Variants in CDIN1 observed in about 807,000 individuals in gnomAD.
CDIN1 encodes CDAN1 interacting nuclease 1, also known as CDAN1-interacting nuclease 1.
A neutral mutation model predicts 45.3 loss-of-function variants in CDIN1; 33 were observed. The observed-to-expected ratio is 0.73, with a 90% CI of 0.55 to 0.97. CDIN1 has a LOEUF of 0.97. CDIN1 is among the 50% of genes least tolerant of loss of function. The pLI is 0.00. For synonymous variants in CDIN1, 118 were observed against 124.4 expected (o/e 0.95, Z 0.34); for missense variants, 303 against 339.4 (o/e 0.89, Z 0.84).
chr15:36,708,104 A>T (rs1197855355), intron 8 of CDIN1: 3 of 152,194 alleles, frequency 2.0e-5, no homozygotes, highest in Non-Finnish European at 4.4e-5. Flanking sequence ...TGTGCACAAG[A>T]GTGTTCTAAA....
intron 10 of CDIN1, chr15:36,799,137 C>T (rs2054921492): frequency 6.6e-6 from 1 of 152,112 alleles, no homozygotes; most frequent in South Asian, 2.1e-4. Flanking sequence ...AAACAAACAC[C>T]CCCAACTTTT....
At chr15:36,789,069 C>CA (rs1431772376) in intron 10 of CDIN1, among the ~76,000 whole-genome samples, 3 of 152,100 alleles carry the variant, frequency 2.0e-5, no homozygotes, top group Admixed American at 6.6e-5. Context: ...AAAACAATCA[C>CA]AAAAAAATCT....
At chr15:36,794,935 G>A (rs2054752216) in intron 10 of CDIN1, among the ~76,000 whole-genome samples, 1 of 152,148 alleles carries the variant, frequency 6.6e-6, no homozygotes, top group South Asian at 2.1e-4. Flanking sequence ...ATACACAATG[G>A]AATACTATTT....
At chr15:36,609,371 A>G (rs1335358163) in intron 1 of CDIN1, among the ~76,000 whole-genome samples, 1 of 152,168 alleles carries the variant, frequency 6.6e-6, no homozygotes, top group Non-Finnish European at 1.5e-5. Context: ...TGATGTTAGT[A>G]AAGTGCTAAA....
At position 36,808,615 on chromosome 15, in the gene CDIN1, TTC is replaced by T. The variant is rs2055309474; in HGVS notation, c.*164_*165del. ...CTCTTTAGACAAACATATCAAGAGT[TTC>T]TGTTTTCCTTCATCCCTTGCTGATG... is the stretch of plus-strand genomic sequence containing the variant. On this transcript the variant is annotated 3_prime_UTR_variant, in exon 11 of 11. Transcript: ENST00000566621. 3.0e-6 allele frequency: 3 copies of T among 984,544 alleles called. No individual in the cohort carries two copies. The highest frequency in any genetic ancestry group is 4.4e-6 in the Non-Finnish European group (3 of 682,430). 61.0% of individuals were successfully genotyped at this position (984,544 alleles called of 1,614,324 possible).
intron 10 of CDIN1, among the ~76,000 whole-genome samples, chr15:36,791,591 C>A (rs2054646918): frequency 6.6e-6 from 1 of 151,462 alleles, no homozygotes; most frequent in South Asian, 2.1e-4. Flanking sequence ...AAATTTAAAA[C>A]CTAGTTATTG....
intron 10 of CDIN1, among the ~76,000 whole-genome samples, chr15:36,727,038 C>G (rs2043656245): frequency 6.6e-6 from 1 of 151,950 alleles, no homozygotes; most frequent in African/African-American, 2.4e-5. Context: ...TTTATAAATT[C>G]TTAGTAAAAT....
chr15:36,698,241 TA>T (rs1195268359), intron 8 of CDIN1, among the ~76,000 whole-genome samples: 1 of 152,212 alleles, frequency 6.6e-6, no homozygotes, highest in African/African-American at 2.4e-5. Flanking sequence ...AGATGTTTAA[TA>T]AAGTCCTACA....
intron 5 of CDIN1, among the ~76,000 whole-genome samples, chr15:36,675,047 T>G (rs2041597344): frequency 6.6e-6 from 1 of 152,056 alleles, no homozygotes; most frequent in South Asian, 2.1e-4. Flanking sequence ...AAGAAAGAAG[T>G]TCGTGAGGCC....
chr15:36,786,806 G>C (rs1440000057), intron 10 of CDIN1, among the ~76,000 whole-genome samples: 1 of 152,056 alleles, frequency 6.6e-6, no homozygotes, highest in Non-Finnish European at 1.5e-5. Context: ...CCTCCTAGTT[G>C]TCAGACCCTG....
At chr15:36,695,886 G>C (rs1040760695) in intron 7 of CDIN1, among the ~76,000 whole-genome samples, 1 of 150,758 alleles carries the variant, frequency 6.6e-6, no homozygotes, top group African/African-American at 2.4e-5. Context: ...GTATCTACTT[G>C]TGTGGCTATT....
At chr15:36,682,778 A>AG (rs1046239260) in intron 5 of CDIN1, among the ~76,000 whole-genome samples, 3 of 151,630 alleles carry the variant, frequency 2.0e-5, no homozygotes, top group Non-Finnish European at 2.9e-5. Flanking sequence ...AAAAAAAAAA[A>AG]AAAAAAAAGA....
chr15:36,791,394 A>T (rs1335205675), intron 10 of CDIN1, among the ~76,000 whole-genome samples: 1 of 152,228 alleles, frequency 6.6e-6, no homozygotes. Flanking sequence ...TAAACATTAA[A>T]TGCAAATAAA....
intron 5 of CDIN1, among the ~76,000 whole-genome samples, chr15:36,661,297 C>T (rs900364542): frequency 1.3e-5 from 2 of 152,184 alleles, no homozygotes; most frequent in Non-Finnish European, 2.9e-5. Flanking sequence ...GCTCTTCACT[C>T]ATCATGCCAT....
At chr15:36,661,362 A>C (rs4924093) in intron 5 of CDIN1, among the ~76,000 whole-genome samples, 145,960 of 152,094 alleles carry the variant, frequency 0.96, 70,048 homozygotes, top group East Asian at 1. Flanking sequence ...CTAGCAGAGG[A>C]TATTACCAAC....
At chr15:36,758,292 A>C (rs756102471) in intron 10 of CDIN1, among the ~76,000 whole-genome samples, 2 of 152,158 alleles carry the variant, frequency 1.3e-5, no homozygotes, top group African/African-American at 4.8e-5. Flanking sequence ...TCTGGCCTTG[A>C]TAGTAGCATG....
At chr15:36,654,412 T>C (rs916917477) in intron 4 of CDIN1, among the ~76,000 whole-genome samples, 1 of 151,742 alleles carries the variant, frequency 6.6e-6, no homozygotes, top group African/African-American at 2.4e-5. Flanking sequence ...TTTCTTATTT[T>C]GTGGAAAATT....
At chr15:36,778,305 C>G (rs181103299) in intron 10 of CDIN1, among the ~76,000 whole-genome samples, 28 of 152,170 alleles carry the variant, frequency 1.8e-4, no homozygotes, top group Admixed American at 3.3e-4. Flanking sequence ...GAAGGCAGCC[C>G]GAGAAAGTGG....
chr15:36,593,855 C>T (rs1160858794), intron 1 of CDIN1, among the ~76,000 whole-genome samples: 6 of 152,084 alleles, frequency 3.9e-5, no homozygotes, highest in South Asian at 2.1e-4. Context: ...TGAGCCACCG[C>T]GCCTGGCTGA....
Sources: allele counts gnomAD v4.1 joint callset (sites outside exome capture counted in the v4.1 genomes callset), GRCh38; gene constraint gnomAD v4.1.1; transcripts MANE v1.5; gene names NCBI Gene and HGNC (gene_info 2026-07-23, HGNC 2026-07-21).